EDARADD: variants seen among roughly 807,000 people sequenced by gnomAD.
The protein encoded by EDARADD is EDAR associated via death domain.
EDARADD carries 20 observed loss-of-function variants against 25.6 expected under a neutral mutation model. The observed-to-expected ratio is 0.78, with a 90% CI of 0.55 to 1.14. The LOEUF (loss-of-function observed/expected upper bound fraction) is 1.14, where lower values mean the gene tolerates loss of function less well. EDARADD is among the 50% of genes most tolerant of loss of function. The probability of loss-of-function intolerance (pLI) is 0.00; values close to 1 mark genes in which losing one functional copy is unlikely to be tolerated. For missense variants in EDARADD, 225 were observed against 270.1 expected (o/e 0.83, Z 1.17); for synonymous variants, 86 against 94.4 (o/e 0.91, Z 0.52).
At position 236,398,637 on chromosome 1, in the gene EDARADD, G is replaced by A. The variant is rs1341681990; in HGVS notation, c.61+4132G>A. Among the ~76,000 whole-genome samples, 1 of 152,066 alleles carries A rather than the reference G, an allele frequency of 6.6e-6. No individual in the cohort carries two copies. Among genetic ancestry groups the A allele is most frequent in the Non-Finnish European group, 1.5e-5 (1 of 68,018 alleles). ...GCCTCTTGCACCCTCGTGCCTCCTG[G>A]CCTTTGCAAACTTTGTTCCTGCGGC... is the stretch of plus-strand genomic sequence containing the variant. On this transcript the variant is annotated intron_variant, in intron 1 of 5. Transcript: ENST00000334232. The surrounding 1 kb of genome is among the most constrained non-coding windows in gnomAD (Gnocchi z 4.1).
chr1:236,460,874 G>A (rs1383493340), intron 4 of EDARADD, among the ~76,000 whole-genome samples: 1 of 152,012 alleles, frequency 6.6e-6, no homozygotes, highest in Admixed American at 6.6e-5. Context: ...CCAAGCTGGA[G>A]TCCACTGGCG....
intron 4 of EDARADD, among the ~76,000 whole-genome samples, chr1:236,466,371 A>G (rs1262035167): frequency 6.6e-6 from 1 of 151,950 alleles, no homozygotes; most frequent in African/African-American, 2.4e-5. Flanking sequence ...GAGACTCACT[A>G]TAATTCTCTC....
At chr1:236,423,978 C>T (rs1657844459) in intron 3 of EDARADD, among the ~76,000 whole-genome samples, 1 of 151,888 alleles carries the variant, frequency 6.6e-6, no homozygotes, top group Non-Finnish European at 1.5e-5. Flanking sequence ...TGGTGGTCGG[C>T]ACCTGTAATC....
rs1393468022 is a variant in EDARADD, at chr1:236,464,491, GGT to G, written c.220-3736_220-3735del. On this transcript the variant is annotated intron_variant, in intron 4 of 5. Coordinates refer to ENST00000334232, the MANE Select transcript of EDARADD (RefSeq NM_145861.4). ...TCTGTCGCTCAGGCTGGAGTGCAGT[GGT>G]GTGATCTCGGCTCAATGCAACCTCC... Among the ~76,000 whole-genome samples the G allele has an allele frequency of 4.3e-5, 6 of 140,746 alleles. No homozygotes were observed. The South Asian group carries it at 1.4e-3, about 32-fold the overall frequency. The allele number at this position is 140,746 out of a possible 152,430, so 92.3% of individuals were successfully genotyped here.
intron 1 of EDARADD, among the ~76,000 whole-genome samples, chr1:236,404,773 A>G (rs967164035): frequency 6.6e-6 from 1 of 152,060 alleles, no homozygotes; most frequent in Non-Finnish European, 1.5e-5. Flanking sequence ...GCGGCACTCC[A>G]GCCTGGGTGA....
intron 4 of EDARADD, among the ~76,000 whole-genome samples, chr1:236,463,218 G>A (rs992787166): frequency 5.9e-5 from 9 of 152,182 alleles, no homozygotes; most frequent in African/African-American, 1.9e-4. Flanking sequence ...CATGTCGAGC[G>A]TGTTGCCTTC....
intron 4 of EDARADD, among the ~76,000 whole-genome samples, chr1:236,467,968 G>T (rs1659260327): frequency 6.6e-6 from 1 of 152,094 alleles, no homozygotes; most frequent in African/African-American, 2.4e-5. Context: ...GCAAATTTGA[G>T]TGTCTGCTGT....
At chr1:236,405,822 T>TTCCCTTCCTTCCTTCC (rs1667711688) in intron 1 of EDARADD, among the ~76,000 whole-genome samples, 4 of 55,392 alleles carry the variant, frequency 7.2e-5, no homozygotes, top group African/African-American at 3.1e-4. Flanking sequence ...CCTTCCTTCC[T>TTCCCTTCCTTCCTTCC]TTCCTTCCTT....
intron 3 of EDARADD, among the ~76,000 whole-genome samples, chr1:236,379,325 A>G (rs1572116467): frequency 6.6e-6 from 1 of 151,932 alleles, no homozygotes. Flanking sequence ...AGCCCAGATC[A>G]TGCCACTGCA....
intron 3 of EDARADD, among the ~76,000 whole-genome samples, chr1:236,370,686 A>G (rs1248843042): frequency 1.3e-5 from 2 of 152,172 alleles, no homozygotes; most frequent in African/African-American, 4.8e-5. Context: ...GAGCCAGTTT[A>G]TTGATCAGGG....
chr1:236,402,977 A>T (rs1667641561), intron 1 of EDARADD, among the ~76,000 whole-genome samples: 1 of 151,496 alleles, frequency 6.6e-6, no homozygotes, highest in Admixed American at 6.6e-5. Flanking sequence ...TTTTTTTGAG[A>T]CAGAGTCTTG....
At chr1:236,478,359 A>ATG (rs35531700) in intron 5 of EDARADD, among the ~76,000 whole-genome samples, 6,838 of 144,744 alleles carry the variant, frequency 0.047, 473 homozygotes, top group African/African-American at 0.15. Flanking sequence ...CCATATATAT[A>ATG]TGTGTGTGTG....
chr1:236,455,317 T>G (rs1000083461), intron 4 of EDARADD, among the ~76,000 whole-genome samples: 1 of 152,096 alleles, frequency 6.6e-6, no homozygotes, highest in Admixed American at 6.6e-5. Flanking sequence ...AGACCCGAAG[T>G]CATTACATAC....
intron 3 of EDARADD, among the ~76,000 whole-genome samples, chr1:236,356,767 A>AG (rs1017110766): frequency 3.4e-5 from 5 of 149,210 alleles, no homozygotes; most frequent in African/African-American, 1.2e-4. Flanking sequence ...AAAAAAAAAA[A>AG]CCACACCAAT....
intron 4 of EDARADD, among the ~76,000 whole-genome samples, chr1:236,467,092 A>C (rs79527214): frequency 1.7e-3 from 255 of 149,034 alleles, no homozygotes; most frequent in African/African-American, 6.0e-3. Flanking sequence ...CAAAAAAAAA[A>C]CACACATTGA....
chr1:236,380,026 G>A (rs923972989), intron 3 of EDARADD, among the ~76,000 whole-genome samples: 1 of 152,170 alleles, frequency 6.6e-6, no homozygotes, highest in African/African-American at 2.4e-5. Flanking sequence ...GGTTGCTGAT[G>A]TGCAGGTCCT....
At chr1:236,446,969 C>A (rs1658556135) in intron 4 of EDARADD, among the ~76,000 whole-genome samples, 1 of 152,178 alleles carries the variant, frequency 6.6e-6, no homozygotes, top group African/African-American at 2.4e-5. Flanking sequence ...AAACAAAAGA[C>A]AAGACCTCTG....
upstream of EDARADD, among the ~76,000 whole-genome samples, chr1:236,390,953 ATT>A (rs1284620532): frequency 1.3e-5 from 2 of 150,480 alleles, no homozygotes; most frequent in Non-Finnish European, 1.5e-5. Context: ...TGTTATTATT[ATT>A]ATTATTTTTT....
chr1:236,423,338 C>T (rs1347671108), intron 3 of EDARADD, among the ~76,000 whole-genome samples: 2 of 151,644 alleles, frequency 1.3e-5, no homozygotes, highest in African/African-American at 4.8e-5. Flanking sequence ...TGGGAGCAGC[C>T]CTTAGTTTAC....
Sources: gnomAD v4.1 joint callset for allele counts (sites outside exome capture counted in the v4.1 genomes callset) on GRCh38, gnomAD v4.1.1 for gene constraint, Gnocchi (gnomAD v3.1) non-coding constraint, MANE v1.5 for transcripts, NCBI Gene and HGNC (gene_info 2026-07-23, HGNC 2026-07-21) for gene names.